AP3S2: variants seen among roughly 807,000 people sequenced by gnomAD.
AP3S2 encodes the protein adaptor related protein complex 3 subunit sigma 2, also known as AP-3 complex subunit sigma-2.
A neutral mutation model predicts 23.4 loss-of-function variants in AP3S2; 22 were observed. The observed-to-expected ratio is 0.94, with a 90% CI of 0.67 to 1.34. The LOEUF (loss-of-function observed/expected upper bound fraction) is 1.34. Among genes scored for constraint, AP3S2 ranks in the 40% most tolerant of loss-of-function variants. The pLI is 0.00. For missense variants in AP3S2, 241 were observed against 236.9 expected (o/e 1.02, Z -0.11); for synonymous variants, 86 against 87.1 (o/e 0.99, Z 0.07).
chr15:89,844,263 C>CT (rs1410753258), intron 4 of AP3S2, among the ~76,000 whole-genome samples: 2 of 16,436 alleles, frequency 1.2e-4, no homozygotes, highest in African/African-American at 3.9e-4. Flanking sequence ...TTCTTTCTTT[C>CT]TTTCTTTCTC....
At chr15:89,837,987 T>A (rs1400762729) in intron 4 of AP3S2, 1 of 387,814 alleles carries the variant, frequency 2.6e-6, no homozygotes, top group Non-Finnish European at 4.8e-6. Context: ...GTTTAAATTC[T>A]GGCTCTGCTA....
intron 3 of AP3S2, among the ~76,000 whole-genome samples, chr15:89,875,204 C>G (rs539491320): frequency 6.6e-6 from 1 of 152,120 alleles, no homozygotes; most frequent in East Asian, 1.9e-4. Context: ...AGAGCACATG[C>G]GAGGAGAGCC....
chr15:89,837,788 T>C lies in AP3S2; in HGVS notation c.346-66A>G. 3 of 1,593,408 alleles carry C rather than the reference T, an allele frequency of 1.9e-6. No homozygotes were observed. The South Asian group carries it at 3.3e-5, about 18-fold the overall frequency. Reference sequence around the variant, plus strand: ...GTGGTCAGAGTGTAACCCACGAGGTTTCCTTTTCCTGCAGCAGCAGAGTGG... The same window carrying C: ...GTGGTCAGAGTGTAACCCACGAGGTCTCCTTTTCCTGCAGCAGCAGAGTGG... On this transcript the variant is annotated intron_variant, in intron 4 of 5. Transcript: ENST00000336418.
At chr15:89,876,583 G>A (rs1896448376) in intron 3 of AP3S2, 1 of 152,496 alleles carries the variant, frequency 6.6e-6, no homozygotes, top group East Asian at 1.9e-4. Flanking sequence ...GAAGACAAGA[G>A]AGAAAGAAGA....
At position 89,893,961 on chromosome 15, in the gene AP3S2, A is replaced by T; in HGVS notation, c.-12T>A. 3 of 1,551,248 alleles carry T rather than the reference A, an allele frequency of 1.9e-6. No homozygotes were observed. The highest frequency in any genetic ancestry group is 2.6e-6 in the Non-Finnish European group (3 of 1,146,952). On this transcript the variant is annotated 5_prime_UTR_variant, in exon 1 of 6. Transcript: ENST00000336418. ...ATCGCCTGAATCATCTTTGCCAGCC[A>T]CGGTTCTCTCAGCACCGGCTACTCC...
At chr15:89,839,768 C>T (rs1895282449) in intron 4 of AP3S2, among the ~76,000 whole-genome samples, 1 of 152,086 alleles carries the variant, frequency 6.6e-6, no homozygotes, top group Non-Finnish European at 1.5e-5. Flanking sequence ...CCCAAGTGTC[C>T]ATGAACAGAC....
chr15:89,831,265 C>T lies in AP3S2; in HGVS notation c.*4250G>A, dbSNP rs1895071559. On this transcript the variant is annotated 3_prime_UTR_variant, in exon 6 of 6. Transcript: ENST00000336418. ...TCCCGAGAAGGGAGACAGTCTTAAC[C>T]CAGAGGACAGCATCCACCAGCCTGC... 6.6e-6 allele frequency: 1 copy of T among 152,220 alleles called. No homozygotes were observed. Among genetic ancestry groups the T allele is most frequent in the African/African-American group, 2.4e-5 (1 of 41,444 alleles). The allele number at this position is 152,220 out of a possible 1,614,324, so 9.4% of individuals were successfully genotyped here. A position where few individuals can be genotyped will look rare whatever the true frequency, so the allele number is the denominator to read the frequency against.
chr15:89,861,173 C>T (rs530432323), intron 4 of AP3S2, among the ~76,000 whole-genome samples: 1 of 152,166 alleles, frequency 6.6e-6, no homozygotes. Flanking sequence ...GAACTCTCAG[C>T]ATTTTTCCAT....
rs557800383 is a variant in AP3S2 at position 89,857,808 on chromosome 15, C to T, written c.345+13667G>A. On this transcript the variant is annotated intron_variant, in intron 4 of 5. Transcript: ENST00000336418. ...GTAATATTCAACTAGTTCAGGTTCTCCTCCCTCTTGGGCACATAATAGGAT... is the reference window on the plus strand; with the variant it reads ...GTAATATTCAACTAGTTCAGGTTCTTCTCCCTCTTGGGCACATAATAGGAT... 2.6e-5 allele frequency among the ~76,000 whole-genome samples: 4 copies of T among 152,326 alleles called. No individual in the cohort carries two copies. The South Asian group carries it at 8.3e-4, about 32-fold the overall frequency.
chr15:89,868,279 C>T (rs1472084081), intron 4 of AP3S2, among the ~76,000 whole-genome samples: 10 of 67,004 alleles, frequency 1.5e-4, no homozygotes, highest in African/African-American at 4.5e-4. Flanking sequence ...TCTGCCCGGC[C>T]GCCCCTACTG....
At chr15:89,839,055 T>A (rs1391254254) in intron 4 of AP3S2, among the ~76,000 whole-genome samples, 1 of 152,166 alleles carries the variant, frequency 6.6e-6, no homozygotes, top group Admixed American at 6.5e-5. Flanking sequence ...GCATCCCTGG[T>A]CTCTACTCCT....
At chr15:89,867,919 G>C (rs535349421) in intron 4 of AP3S2, among the ~76,000 whole-genome samples, 2,902 of 129,492 alleles carry the variant, frequency 0.022, 54 homozygotes, top group Non-Finnish European at 0.037. Flanking sequence ...CGGGAGGGAG[G>C]TGGGGGGGGT....
intron 4 of AP3S2, among the ~76,000 whole-genome samples, chr15:89,851,199 ACC>A (rs934035459): frequency 1.3e-5 from 2 of 152,178 alleles, no homozygotes; most frequent in African/African-American, 4.8e-5. Context: ...AAATACCATG[ACC>A]CAAGTACAAA....
chr15:89,890,447 A>G (rs1200820603), intron 1 of AP3S2, among the ~76,000 whole-genome samples: 2 of 152,234 alleles, frequency 1.3e-5, no homozygotes, highest in Admixed American at 6.5e-5. Context: ...TGAGTTTCAG[A>G]AGAAGTATGG....
intron 5 of AP3S2, among the ~76,000 whole-genome samples, chr15:89,837,130 T>G (rs1895212631): frequency 6.6e-6 from 1 of 152,094 alleles, no homozygotes; most frequent in Non-Finnish European, 1.5e-5. Context: ...TAGCCCAAAC[T>G]CTACTGTAGT....
At chr15:89,885,032 G>A (rs921335451) in intron 3 of AP3S2, among the ~76,000 whole-genome samples, 4 of 152,076 alleles carry the variant, frequency 2.6e-5, no homozygotes, top group African/African-American at 9.7e-5. Flanking sequence ...CTTGTTCTAA[G>A]TTTTAAAAAA....
At chr15:89,868,107 A>G (rs1896193924) in intron 4 of AP3S2, among the ~76,000 whole-genome samples, 1 of 108,658 alleles carries the variant, frequency 9.2e-6, no homozygotes, top group African/African-American at 3.4e-5. Context: ...CCCGTCCGGG[A>G]GGGAGATGGG....
chr15:89,867,172 G>A lies in AP3S2; in HGVS notation c.345+4303C>T, dbSNP rs1167845284. 5.3e-3 allele frequency among the ~76,000 whole-genome samples: 799 copies of A among 149,404 alleles called. 6 individuals are homozygous for A. The highest frequency in any genetic ancestry group is 0.019 in the African/African-American group (775 of 40,918). On this transcript the variant is annotated intron_variant, in intron 4 of 5. Coordinates refer to ENST00000336418, the MANE Select transcript of AP3S2 (RefSeq NM_005829.5). ...CGAGTGCCTGCGATTGCAGGCACGC[G>A]CCGCCACGCCTGACTGGTTTTGGTG...
rs575238072 is a variant in AP3S2, at chr15:89,866,405, C to T, written c.345+5070G>A. On this transcript the variant is annotated intron_variant, in intron 4 of 5. Transcript: ENST00000336418. ...CAAGCACAACTTCCCACAGCACCTA[C>T]AGCTGTCTTCTCCAGGTGTGTATTA... Among the ~76,000 whole-genome samples the T allele has an allele frequency of 2.0e-5, 3 of 152,172 alleles. No individual in the cohort carries two copies. The South Asian group carries it at 6.2e-4, about 32-fold the overall frequency.
Sources: allele counts gnomAD v4.1 joint callset (sites outside exome capture counted in the v4.1 genomes callset), GRCh38; gene constraint gnomAD v4.1.1; transcripts MANE v1.5; gene names NCBI Gene and HGNC (gene_info 2026-07-23, HGNC 2026-07-21).